Variants in MDGA2 observed in about 807,000 individuals in gnomAD.
MDGA2 encodes MAM domain containing glycosylphosphatidylinositol anchor 2.
Under a neutral mutation model 117.8 loss-of-function variants are expected in MDGA2, and 40 were observed. That is an observed-to-expected ratio of 0.34 (90% CI 0.26 to 0.44). MDGA2 has a LOEUF of 0.44. Among genes scored for constraint, MDGA2 ranks in the 20% least tolerant of loss-of-function variants. MDGA2 has a pLI of 1.00. For synonymous variants in MDGA2, 452 were observed against 439.0 expected (o/e 1.03, Z -0.37); for missense variants, 1,123 against 1,250.6 (o/e 0.90, Z 1.54).
chr14:47,340,881 A>G lies in MDGA2; in HGVS notation c.281-39331T>C, dbSNP rs373764100. Reference sequence around the variant, plus strand: ...TTTCAGTCATGTTATATATTCAAACACTCAAGATCCAATGTCATAAAATTC... The same window carrying G: ...TTTCAGTCATGTTATATATTCAAACGCTCAAGATCCAATGTCATAAAATTC... On this transcript the variant is annotated intron_variant, in intron 1 of 16. Transcript: ENST00000399232. Among the ~76,000 whole-genome samples the G allele has an allele frequency of 2.0e-5, 3 of 152,152 alleles. No homozygotes were observed. In the South Asian group the frequency reaches 6.2e-4, roughly 32 times the overall value.
At chr14:46,880,364 A>G (rs956205607) in intron 11 of MDGA2, among the ~76,000 whole-genome samples, 1 of 152,116 alleles carries the variant, frequency 6.6e-6, no homozygotes, top group African/African-American at 2.4e-5. Context: ...CTACTGAAGC[A>G]ATACAATAAA....
chr14:47,503,471 G>T (rs1486063577), intron 1 of MDGA2, among the ~76,000 whole-genome samples: 1 of 143,764 alleles, frequency 7.0e-6, no homozygotes, highest in Non-Finnish European at 1.5e-5. Flanking sequence ...TGCCCAGGCT[G>T]GAGTGCAGTG....
chr14:46,874,136 A>G lies in MDGA2; in HGVS notation c.2502T>C (p.Asn834=). 1 of 1,544,214 alleles carries G rather than the reference A, an allele frequency of 6.5e-7. No homozygotes were observed. The change falls in exon 13 of 17, where the codon AAT becomes AAC. Residue 834 remains asparagine, a synonymous_variant. Transcript: ENST00000399232. The part of the protein sequence containing the change: ...ICLFTQDDTD[N]FDWTKQSTAT... ...CTGTACTTTGCTTTGTCCAGTCAAA[A>G]TTATCTGTATCATCTTGAGTGAACA...
intron 1 of MDGA2, among the ~76,000 whole-genome samples, chr14:47,585,931 G>A (rs1444906748): frequency 2.0e-5 from 3 of 151,778 alleles, no homozygotes; most frequent in South Asian, 2.1e-4. Context: ...TCTCTGGGAA[G>A]GCCTCTGACT....
At chr14:47,366,683 T>C (rs1182424371) in intron 1 of MDGA2, among the ~76,000 whole-genome samples, 2 of 151,922 alleles carry the variant, frequency 1.3e-5, no homozygotes, top group Non-Finnish European at 2.9e-5. Flanking sequence ...GTCTTCTGGC[T>C]CTTTATTATA....
rs1892462421 is a variant in MDGA2 at position 47,415,731 on chromosome 14, ACTT to A, written c.281-114184_281-114182del. Among the ~76,000 whole-genome samples, 3 of 152,204 alleles carry A rather than the reference ACTT, an allele frequency of 2.0e-5. No homozygotes were observed. In the South Asian group the frequency reaches 6.2e-4, roughly 32 times the overall value. On this transcript the variant is annotated intron_variant, in intron 1 of 16. Transcript: ENST00000399232. ...TAAAGAACAACAATTTATTTCTCGC[ACTT>A]CTGGAGGCTGGAAGTTTGAGATGAA...
chr14:46,998,833 A>G (rs1354356658), intron 8 of MDGA2, among the ~76,000 whole-genome samples: 1 of 152,060 alleles, frequency 6.6e-6, no homozygotes, highest in Non-Finnish European at 1.5e-5. Context: ...AGGTACTTAC[A>G]AATTGGACAA....
At chr14:47,512,182 T>G (rs1894656176) in intron 1 of MDGA2, among the ~76,000 whole-genome samples, 2 of 152,300 alleles carry the variant, frequency 1.3e-5, no homozygotes, top group South Asian at 4.1e-4. Flanking sequence ...TCAGGTGGCA[T>G]ATGTGGACAC....
chr14:46,951,848 T>C (rs866153329), intron 9 of MDGA2, among the ~76,000 whole-genome samples: 2 of 151,930 alleles, frequency 1.3e-5, no homozygotes, highest in Non-Finnish European at 2.9e-5. Flanking sequence ...ACAATAAATA[T>C]GTTATTTAAA....
intron 3 of MDGA2, among the ~76,000 whole-genome samples, chr14:47,172,919 G>C (rs889669188): frequency 2.0e-5 from 3 of 152,188 alleles, no homozygotes; most frequent in South Asian, 4.2e-4. Context: ...TAGACGAATG[G>C]ATAACTAGAA....
At chr14:47,361,477 T>C (rs1891123951) in intron 1 of MDGA2, among the ~76,000 whole-genome samples, 1 of 152,064 alleles carries the variant, frequency 6.6e-6, no homozygotes, top group East Asian at 1.9e-4. Flanking sequence ...TACTATACCA[T>C]GCCTAAATGC....
chr14:47,412,339 T>C (rs1367412699), intron 1 of MDGA2, among the ~76,000 whole-genome samples: 1 of 152,190 alleles, frequency 6.6e-6, no homozygotes, highest in Non-Finnish European at 1.5e-5. Flanking sequence ...AGAGTGCAGC[T>C]GTGCTCACAG....
At chr14:47,046,376 C>T (rs532719942) in intron 7 of MDGA2, among the ~76,000 whole-genome samples, 98 of 151,884 alleles carry the variant, frequency 6.5e-4, no homozygotes, top group African/African-American at 1.8e-3. Flanking sequence ...CAGAGTTGTT[C>T]TCACTCATAG....
intron 5 of MDGA2, among the ~76,000 whole-genome samples, chr14:47,105,739 A>C (rs1880624683): frequency 6.7e-6 from 1 of 149,394 alleles, no homozygotes; most frequent in African/African-American, 2.5e-5. Flanking sequence ...CTCGTCCCAA[A>C]TCTTCCTTCT....
At chr14:47,255,461 T>A (rs529348219) in intron 2 of MDGA2, among the ~76,000 whole-genome samples, 2 of 152,198 alleles carry the variant, frequency 1.3e-5, no homozygotes, top group Non-Finnish European at 2.9e-5. Flanking sequence ...AGATTCAGGT[T>A]GTTAACACTT....
intron 1 of MDGA2, among the ~76,000 whole-genome samples, chr14:47,551,859 CT>C (rs1895588689): frequency 6.6e-6 from 1 of 151,648 alleles, no homozygotes; most frequent in Non-Finnish European, 1.5e-5. Context: ...TAGATCTTAT[CT>C]TTATTATTTT....
downstream of MDGA2, among the ~76,000 whole-genome samples, chr14:46,839,656 T>G (rs1184787680): frequency 1.3e-5 from 2 of 151,862 alleles, no homozygotes; most frequent in Non-Finnish European, 2.9e-5. Context: ...CCCCAGATAT[T>G]GTGTACTTGA....
At chr14:47,436,805 A>G (rs2138538416) in intron 1 of MDGA2, among the ~76,000 whole-genome samples, 1 of 152,230 alleles carries the variant, frequency 6.6e-6, no homozygotes. Flanking sequence ...CAAGCTTGCA[A>G]TCTAGCCAGT....
At chr14:47,085,425 T>C (rs1291802097) in intron 6 of MDGA2, among the ~76,000 whole-genome samples, 1 of 152,156 alleles carries the variant, frequency 6.6e-6, no homozygotes, top group Non-Finnish European at 1.5e-5. Context: ...GGAGAAAAAC[T>C]GAATGATATT....
Sources: gnomAD v4.1 joint callset for allele counts (sites outside exome capture counted in the v4.1 genomes callset) on GRCh38, gnomAD v4.1.1 for gene constraint, MANE v1.5 for transcripts, NCBI Gene and HGNC (gene_info 2026-07-23, HGNC 2026-07-21) for gene names.